Variants in DYSF observed in about 807,000 individuals in gnomAD.
DYSF encodes the protein dysferlin.
A neutral mutation model predicts 274.9 loss-of-function variants in DYSF; 212 were observed. The ratio of observed to expected loss-of-function variants is 0.77; its 90% CI spans 0.69 to 0.86. DYSF has a LOEUF of 0.86. DYSF is among the 40% of genes least tolerant of loss of function. The pLI, the probability that DYSF is intolerant of heterozygous loss-of-function variation, is 0.00. For synonymous variants in DYSF, 1,091 were observed against 1,078.7 expected (o/e 1.01, Z -0.22); for missense variants, 2,666 against 2,783.2 (o/e 0.96, Z 0.95).
At chr2:71,612,527 A>G in intron 38 of DYSF, 114 bp from the exon 39 acceptor site, 2 of 1,512,386 alleles carry the variant, frequency 1.3e-6, no homozygotes, top group Non-Finnish European at 1.8e-6. Flanking sequence ...ACCATTTTGG[A>G]TTTCTGGCTG....
At chr2:71,549,138 G>A (rs973466616) in intron 17 of DYSF, among the ~76,000 whole-genome samples, 1 of 152,218 alleles carries the variant, frequency 6.6e-6, no homozygotes, top group Non-Finnish European at 1.5e-5. Flanking sequence ...ATGGGGTGTT[G>A]GGGGCTGCGT....
intron 41 of DYSF, among the ~76,000 whole-genome samples, chr2:71,633,731 G>A (rs1219643871): frequency 6.6e-6 from 1 of 152,060 alleles, no homozygotes; most frequent in Non-Finnish European, 1.5e-5. Flanking sequence ...ATATAGTTCT[G>A]CATAGTGACC....
rs186345663 is a variant in DYSF at position 71,491,042 on chromosome 2, A to G, written c.239+9072A>G. 5.3e-5 allele frequency among the ~76,000 whole-genome samples: 8 copies of G among 152,314 alleles called. No homozygotes were observed. In the East Asian group the frequency reaches 9.6e-4, roughly 18 times the overall value. On this transcript the variant is annotated intron_variant, in intron 3 of 55. Coordinates refer to ENST00000410020, the MANE Select transcript of DYSF (RefSeq NM_001130987.2). ...GTAGATTCTGCCAAATTACTTTTCA[A>G]AAATGTTGTCCCAATTAATGTCCAC...
rs28526786 is a variant in DYSF at position 71,564,007 on chromosome 2, C to T, written c.2410-51C>T. On this transcript the variant is annotated intron_variant, in intron 23 of 55. Coordinates refer to ENST00000410020, the MANE Select transcript of DYSF (RefSeq NM_001130987.2). Reference sequence around the variant, plus strand: ...GTCAGCTCACGGTGTGGCTGTGGGGCGTGGGCCTGGTGTGTCACCATCCCC... The same window carrying T: ...GTCAGCTCACGGTGTGGCTGTGGGGTGTGGGCCTGGTGTGTCACCATCCCC... 1,984 of 1,610,944 alleles carry T rather than the reference C, an allele frequency of 1.2e-3. 27 individuals carry two copies. The African/African-American group carries it at 0.024, about 19-fold the overall frequency.
At chr2:71,667,213 A>C (rs866392425) in intron 47 of DYSF, among the ~76,000 whole-genome samples, 163 bp from the exon 48 acceptor site, 1 of 152,186 alleles carries the variant, frequency 6.6e-6, no homozygotes, top group Non-Finnish European at 1.5e-5. Flanking sequence ...ATCAAAAGTG[A>C]GACATGAGGA....
chr2:71,471,163 G>T (rs1377359571), intron 1 of DYSF, among the ~76,000 whole-genome samples: 1 of 152,060 alleles, frequency 6.6e-6, no homozygotes, highest in Non-Finnish European at 1.5e-5. Flanking sequence ...AGGCCATGAG[G>T]CAAGAGTAAA....
chr2:71,598,736 T>G lies in DYSF; in HGVS notation c.3747T>G (p.His1249Gln), dbSNP rs747606668. The G allele has an allele frequency of 5.6e-6, 9 of 1,612,442 alleles. No homozygotes were observed. The Admixed American group carries it at 8.3e-5, about 15-fold the overall frequency. ...PPSIVVELYD[H>Q]DTYGADEFMG... is the part of the protein sequence containing the mutation. ...GCATTGTGGTGGAGCTGTACGACCA[T>G]GACACTTATGTGAGTCTGCCCAGCT... The change falls in exon 33 of 56, where the codon CAT becomes CAG. Residue 1249 changes from histidine (H) to glutamine (Q), a missense_variant. By Grantham distance (24) the His-to-Gln change is conservative (BLOSUM62 0). Around this residue, in one of 3 missense-constraint regions of DYSF, gnomAD observed 1,460 missense variants for 1,502.1 expected, o/e 0.97. Transcript: ENST00000410020.
At chr2:71,634,067 G>A (rs911764711) in intron 41 of DYSF, among the ~76,000 whole-genome samples, 1 of 152,192 alleles carries the variant, frequency 6.6e-6, no homozygotes, top group African/African-American at 2.4e-5. Context: ...CCCAGGAACT[G>A]CATATTGGCT....
At position 71,659,051 on chromosome 2, in the gene DYSF, C is replaced by T. The variant is rs771390157; in HGVS notation, c.4911+18C>T. On this transcript the variant is annotated intron_variant, in intron 44 of 55. Coordinates refer to ENST00000410020, the MANE Select transcript of DYSF (RefSeq NM_001130987.2). ...ATGGAAAGGTAACTTTCCTAGAGCC[C>T]TCACCTCCCCCAGAGTAGCAGGCTC... The T allele has an allele frequency of 6.2e-6, 10 of 1,614,056 alleles. No individual in the cohort carries two copies. Among genetic ancestry groups the T allele is most frequent in the Non-Finnish European group, 8.5e-6 (10 of 1,179,986 alleles).
chr2:71,515,857 G>T, intron 8 of DYSF, 106 bp downstream of exon 8: 1 of 1,511,550 alleles, frequency 6.6e-7, no homozygotes, highest in Non-Finnish European at 9.0e-7. Context: ...GTATGGCGCT[G>T]ACCTTGGGTG....
chr2:71,580,862 G>A (rs573963096), intron 30 of DYSF, among the ~76,000 whole-genome samples: 41 of 152,306 alleles, frequency 2.7e-4, no homozygotes, highest in Admixed American at 9.1e-4. Context: ...TGGAGGATTC[G>A]ATTGCGTGTC....
At chr2:71,631,165 C>G (rs2094306917) in intron 41 of DYSF, among the ~76,000 whole-genome samples, 1 of 152,112 alleles carries the variant, frequency 6.6e-6, no homozygotes, top group Non-Finnish European at 1.5e-5. Context: ...GTGTGGCTCC[C>G]AAGTGAGGAA....
intron 1 of DYSF, among the ~76,000 whole-genome samples, chr2:71,468,716 G>C (rs977651296): frequency 6.6e-6 from 1 of 152,142 alleles, no homozygotes; most frequent in Non-Finnish European, 1.5e-5. Flanking sequence ...GGACACCCTG[G>C]ATCCCCCTGG....
chr2:71,622,260 G>A lies in DYSF; in HGVS notation c.4527+1651G>A, dbSNP rs564275091. On this transcript the variant is annotated intron_variant, in intron 41 of 55. Transcript: ENST00000410020. ...TATATGTTTTCCTCATGACTTTGTC[G>A]AACTATCGCTAGAATATAGGAAAAC... Among the ~76,000 whole-genome samples, 7 of 150,948 alleles carry A rather than the reference G, an allele frequency of 4.6e-5. No homozygotes were observed. In the East Asian group the frequency reaches 9.8e-4, roughly 21 times the overall value.
chr2:71,568,632 C>A (rs1203376366), intron 26 of DYSF, among the ~76,000 whole-genome samples: 1 of 151,790 alleles, frequency 6.6e-6, no homozygotes, highest in Non-Finnish European at 1.5e-5. Context: ...ATGATCGCAG[C>A]TCATTGCAGC....
chr2:71,644,101 T>C (rs2094530158), intron 42 of DYSF, 38 bp downstream of exon 42: 2 of 1,541,160 alleles, frequency 1.3e-6, no homozygotes, highest in African/African-American at 1.4e-5. Flanking sequence ...GGTGTGTGTG[T>C]GCGTACTGGG....
At chr2:71,631,456 A>G (rs1265443465) in intron 41 of DYSF, among the ~76,000 whole-genome samples, 1 of 152,204 alleles carries the variant, frequency 6.6e-6, no homozygotes, top group Non-Finnish European at 1.5e-5. Flanking sequence ...AAGTGTTGCC[A>G]GTGAAGCCTG....
At chr2:71,649,551 G>A (rs970962553) in intron 42 of DYSF, among the ~76,000 whole-genome samples, 1 of 152,026 alleles carries the variant, frequency 6.6e-6, no homozygotes, top group African/African-American at 2.4e-5. Flanking sequence ...AAGACATAGA[G>A]GACTAAGTAT....
In DYSF at chr2:71,551,713, G is replaced by A. The variant is rs546679270; in HGVS notation, c.1799G>A (p.Arg600Gln). Residue 600 changes from arginine (R) to glutamine (Q), a missense_variant, in exon 19 of 56, where the codon CGG becomes CAG. Arg to Gln is a conservative substitution (Grantham distance 43). This residue lies in a region of DYSF where 794 missense variants were observed against 777.1 expected (regional missense o/e 1.02). Coordinates refer to ENST00000410020, the MANE Select transcript of DYSF (RefSeq NM_001130987.2). Reference protein sequence around the residue: ...VEDLPADDILRVEKYLRRRKY... With the variant: ...VEDLPADDILQVEKYLRRRKY... ...GACCTTCCTGCGGATGACATCCTCC[G>A]GGTGGAGGTGAGGGGTGTGGCTCTG... 45 of 1,604,684 alleles carry A rather than the reference G, an allele frequency of 2.8e-5. No individual in the cohort carries two copies. The highest frequency in any genetic ancestry group is 2.0e-4 in the South Asian group (18 of 88,726).
Sources: gnomAD v4.1 joint callset for allele counts (sites outside exome capture counted in the v4.1 genomes callset) on GRCh38, gnomAD v4.1.1 for gene constraint, gnomAD v4.1.1 regional missense constraint, MANE v1.5 for transcripts, NCBI Gene and HGNC (gene_info 2026-07-23, HGNC 2026-07-21) for gene names.